The following STOML3 variants were observed in gnomAD, a reference collection of about 807,000 sequenced individuals.
STOML3 encodes the protein stomatin like 3, also known as stomatin-like protein 3.
In STOML3, 31 loss-of-function variants were observed where a neutral mutation model predicts 29.5. The ratio of observed to expected loss-of-function variants is 1.05; its 90% CI spans 0.79 to 1.42. STOML3 has a LOEUF of 1.42. Among genes scored for constraint, STOML3 ranks in the 40% most tolerant of loss-of-function variants. The probability of loss-of-function intolerance (pLI) is 0.00; values close to 1 mark genes in which losing one functional copy is unlikely to be tolerated. For missense variants in STOML3, 380 were observed against 363.0 expected (o/e 1.05, Z -0.38); for synonymous variants, 122 against 139.8 (o/e 0.87, Z 0.90).
At position 38,968,507 on chromosome 13, in the gene STOML3, A is replaced by G; in HGVS notation, c.544T>C (p.Trp182Arg). 6.2e-7 allele frequency: 1 copy of G among 1,614,058 alleles called. No individual in the cohort carries two copies. Among genetic ancestry groups the G allele is most frequent in the Non-Finnish European group, 8.5e-7 (1 of 1,179,992 alleles). The change falls in exon 6 of 7, where the codon TGG becomes CGG. Residue 182 changes from tryptophan to arginine, a missense_variant. Transcript: ENST00000379631. ...TCCACTCGGGCCACCCGGATCCCCC[A>G]CAGTTCGGTGGCATCATCAAGTAAA... Reference protein sequence around the residue: ...QTLLDDATELWGIRVARVEIK... With the variant: ...QTLLDDATELRGIRVARVEIK...
Position 38,972,602 on chromosome 13 carries a change from A to AG in STOML3, c.230-9dup. On this transcript the variant is annotated splice_polypyrimidine_tract_variant and intron_variant, in intron 3 of 6. Transcript: ENST00000379631. ...GCAGGACCAGGATCAAACCTATGAGAGAAAAAATCAGTTTAAAATGTTGCT... is the reference window on the plus strand; with the variant it reads ...GCAGGACCAGGATCAAACCTATGAGAGGAAAAAATCAGTTTAAAATGTTGCT... 6.2e-7 allele frequency: 1 copy of AG among 1,613,310 alleles called. No homozygotes were observed.
chr13:38,970,299 G>T lies in STOML3; in HGVS notation c.402C>A (p.Asn134Lys). Residue 134 changes from asparagine to lysine, a missense_variant, in exon 5 of 7, where the codon AAC (asparagine) becomes AAA (lysine). Coordinates refer to ENST00000379631, the MANE Select transcript of STOML3 (RefSeq NM_145286.3). ...GCAGAAATGTTGCTTGATGGACATC[G>T]TTGACATTAGCCACTGCTGAGACAG... ...YSAVSAVANV[N>K]DVHQATFLLA... 6.2e-7 allele frequency: 1 copy of T among 1,614,142 alleles called. No homozygotes were observed. Among genetic ancestry groups the T allele is most frequent in the South Asian group, 1.1e-5 (1 of 91,078 alleles).
Position 38,968,529 on chromosome 13 carries a change from T to C in STOML3, c.522A>G (p.Leu174=). The C allele has an allele frequency of 6.2e-7, 1 of 1,614,126 alleles. No individual in the cohort carries two copies. Among genetic ancestry groups the C allele is most frequent in the East Asian group, 2.2e-5 (1 of 44,874 alleles). ...CCCACAGTTCGGTGGCATCATCAAG[T>C]AAAGTCTGTTTCCAAATTAAAAGGG... ...REEIAHSIQT[L]LDDATELWGI... Residue 174 remains leucine (L), a synonymous_variant, in exon 6 of 7, where the codon TTA becomes TTG. Transcript: ENST00000379631.
chr13:38,968,336 C>G, intron 6 of STOML3, 64 bp downstream of exon 6: 1 of 1,583,458 alleles, frequency 6.3e-7, no homozygotes, highest in Non-Finnish European at 8.6e-7. Flanking sequence ...CTGTTCAAGT[C>G]CTATCCTTGT....
rs1309034151 is a variant in STOML3 at position 38,976,715 on chromosome 13, G to C, written c.135C>G (p.Ile45Met). ...SFLLVIITFP[I>M]SIWMCLKIIK... is the part of the protein sequence containing the mutation. ...TTACCTTCAAGCACATCCATATGGA[G>C]ATGGGGAAGGTAATGATCACCAACA... The change falls in exon 2 of 7, where the codon ATC becomes ATG. Residue 45 changes from isoleucine to methionine, a missense_variant. Coordinates refer to ENST00000379631, the MANE Select transcript of STOML3 (RefSeq NM_145286.3). 1 of 1,614,072 alleles carries C rather than the reference G, an allele frequency of 6.2e-7. No individual in the cohort carries two copies.
Position 38,970,188 on chromosome 13 carries a change from G to C in STOML3, c.513C>G (p.Ile171Met), listed in dbSNP as rs892652102. The C allele has an allele frequency of 6.2e-7, 1 of 1,611,800 alleles. No individual in the cohort carries two copies. Among genetic ancestry groups the C allele is most frequent in the Admixed American group, 1.7e-5 (1 of 59,996 alleles). Residue 171 changes from isoleucine (I) to methionine (M), a missense_variant, in exon 5 of 7, where the codon ATC becomes ATG. Transcript: ENST00000379631. ...LAGREEIAHS[I>M]QTLLDDATEL... ...TATTAGTTCATGGTGTCTTTACCTG[G>C]ATGCTATGGGCGATCTCTTCTCGTC...
In STOML3 at chr13:38,976,807, G is replaced by A. The variant is rs1038782837; in HGVS notation, c.53-10C>T. On this transcript the variant is annotated splice_polypyrimidine_tract_variant and intron_variant, in intron 1 of 6. Transcript: ENST00000379631. ...CGTTTATTGTTGACACCTAGGAAAT[G>A]AGAAGGAAGCAAATATGTGATCAAT... is the stretch of plus-strand genomic sequence containing the variant. The A allele has an allele frequency of 6.2e-7, 1 of 1,608,910 alleles. No homozygotes were observed. The highest frequency in any genetic ancestry group is 8.5e-7 in the Non-Finnish European group (1 of 1,176,438).
chr13:38,973,862 A>G (rs1880979115), intron 3 of STOML3, among the ~76,000 whole-genome samples: 1 of 152,208 alleles, frequency 6.6e-6, no homozygotes, highest in Non-Finnish European at 1.5e-5. Flanking sequence ...CAAGTAATAG[A>G]TTTGGCTTTG....
At chr13:38,969,914 C>A (rs538333813) in intron 5 of STOML3, among the ~76,000 whole-genome samples, 2 of 152,104 alleles carry the variant, frequency 1.3e-5, no homozygotes, top group Admixed American at 1.3e-4. Context: ...ACTTGTAAGA[C>A]GTTAATTCAT....
intron 4 of STOML3, 121 bp from the exon 5 acceptor site, chr13:38,970,509 A>C: frequency 2.6e-6 from 2 of 772,984 alleles, no homozygotes. Flanking sequence ...CTCATGCTAC[A>C]GTCACCTAAA....
Position 38,966,727 on chromosome 13 carries a change from C to G in STOML3, c.*98G>C. 1.0e-6 allele frequency: 1 copy of G among 998,210 alleles called. No individual in the cohort carries two copies. Among genetic ancestry groups the G allele is most frequent in the Non-Finnish European group, 1.5e-6 (1 of 648,658 alleles). The allele number at this position is 998,210 out of a possible 1,614,324, so 61.8% of individuals were successfully genotyped here. A position where few individuals can be genotyped will look rare whatever the true frequency, so the allele number is the denominator to read the frequency against. On this transcript the variant is annotated 3_prime_UTR_variant, in exon 7 of 7. Transcript: ENST00000379631. Reference sequence around the variant, plus strand: ...TCTTCCATCTATGGAGTTACTGTTACATGAACAGTGTTGGAATTCTCACCG... The same window carrying G: ...TCTTCCATCTATGGAGTTACTGTTAGATGAACAGTGTTGGAATTCTCACCG...
At chr13:38,986,875 T>C (rs1388031723) in intron 1 of STOML3, among the ~76,000 whole-genome samples, 2 of 152,122 alleles carry the variant, frequency 1.3e-5, no homozygotes, top group South Asian at 2.1e-4. Flanking sequence ...CCAGAGCTTC[T>C]GGGGGTAGGG....
rs971600489 is a variant in STOML3, at chr13:38,983,964, C to T, written c.52+6706G>A. On this transcript the variant is annotated intron_variant, in intron 1 of 6. Coordinates refer to ENST00000379631, the MANE Select transcript of STOML3 (RefSeq NM_145286.3). Reference sequence around the variant, plus strand: ...CCACCATTTGGCTTAAGAATATACACCTTGCCAACAAAATCAAAGTCCCTT... The same window carrying T: ...CCACCATTTGGCTTAAGAATATACATCTTGCCAACAAAATCAAAGTCCCTT... 3.9e-5 allele frequency among the ~76,000 whole-genome samples: 6 copies of T among 152,122 alleles called. No homozygotes were observed. The South Asian group carries it at 6.2e-4, about 16-fold the overall frequency.
intron 1 of STOML3, chr13:38,980,055 C>A (rs1566207638): frequency 1.3e-6 from 2 of 1,551,702 alleles, no homozygotes; most frequent in Non-Finnish European, 1.7e-6. Context: ...CACTGACCTA[C>A]AAGCTCGCCT....
chr13:38,980,158 A>C, intron 1 of STOML3: 1 of 1,545,538 alleles, frequency 6.5e-7, no homozygotes, highest in South Asian at 1.2e-5. Flanking sequence ...AGAGAAGAGA[A>C]TGTGACTATT....
chr13:38,966,981 C>T lies in STOML3; in HGVS notation c.720G>A (p.Glu240=). 6.2e-7 allele frequency: 1 copy of T among 1,614,072 alleles called. No individual in the cohort carries two copies. The highest frequency in any genetic ancestry group is 8.5e-7 in the Non-Finnish European group (1 of 1,180,016). The change falls in exon 7 of 7, where the codon GAG becomes GAA. Residue 240 remains glutamate (E), a synonymous_variant. Transcript: ENST00000379631. ...AGCGCAGCTGGAGAGCTATGGGAGA[C>T]TCAGCCAGCACCATGGAGGCTGACT... is the stretch of plus-strand genomic sequence containing the variant. ...SLKSASMVLA[E]SPIALQLRYL...
intron 1 of STOML3, among the ~76,000 whole-genome samples, chr13:38,979,478 T>C (rs888265739): frequency 4.6e-5 from 7 of 152,236 alleles, no homozygotes; most frequent in South Asian, 4.1e-4. Flanking sequence ...TGTATTTACA[T>C]ACATATATCT....
chr13:38,983,601 C>T (rs1410910843), intron 1 of STOML3, among the ~76,000 whole-genome samples: 1 of 152,184 alleles, frequency 6.6e-6, no homozygotes, highest in Non-Finnish European at 1.5e-5. Context: ...TAAGCTCCTT[C>T]AGATAACCCT....
chr13:38,989,144 A>G (rs1421890131), intron 1 of STOML3, among the ~76,000 whole-genome samples: 1 of 151,680 alleles, frequency 6.6e-6, no homozygotes, highest in East Asian at 1.9e-4. Flanking sequence ...CTAAAAAACT[A>G]CAAAAGCACA....
Sources: allele counts gnomAD v4.1 joint callset (sites outside exome capture counted in the v4.1 genomes callset), GRCh38; gene constraint gnomAD v4.1.1; transcripts MANE v1.5; gene names NCBI Gene and HGNC (gene_info 2026-07-23, HGNC 2026-07-21).